LDHC: variants seen among roughly 807,000 people sequenced by gnomAD.
The protein encoded by LDHC is L-lactate dehydrogenase C chain.
LDHC carries 20 observed loss-of-function variants against 30.2 expected under a neutral mutation model. That is an observed-to-expected ratio of 0.66 (90% CI 0.47 to 0.96). The LOEUF (loss-of-function observed/expected upper bound fraction) is 0.96. Ranked by LOEUF, LDHC falls within the 40% of genes least tolerant of loss-of-function variation. The pLI is 0.00. For missense variants in LDHC, 362 were observed against 394.9 expected, an observed-to-expected ratio of 0.92 and a Z score of 0.71; for synonymous variants, 139 against 132.7, an observed-to-expected ratio of 1.05 and a Z score of -0.32.
At chr11:18,417,340 C>G (rs528499600) in intron 3 of LDHC, among the ~76,000 whole-genome samples, 8 of 152,198 alleles carry the variant, frequency 5.3e-5, no homozygotes, top group Non-Finnish European at 7.3e-5. Flanking sequence ...CTTTAAAGTA[C>G]TACAAGAAAT....
At chr11:18,419,045 G>A (rs544442297) in intron 3 of LDHC, among the ~76,000 whole-genome samples, 4 of 152,322 alleles carry the variant, frequency 2.6e-5, no homozygotes, top group African/African-American at 9.6e-5. Context: ...GGAGACCAGA[G>A]ACAGAGCTTG....
chr11:18,438,701 A>G (rs1848402940), intron 6 of LDHC, 56 bp downstream of exon 6: 1 of 905,092 alleles, frequency 1.1e-6, no homozygotes, highest in South Asian at 1.5e-5. Context: ...AAGAATAAAT[A>G]TCACGGACAA....
chr11:18,430,700 C>T (rs545136501), intron 4 of LDHC, among the ~76,000 whole-genome samples: 1 of 152,272 alleles, frequency 6.6e-6, no homozygotes, highest in Admixed American at 6.5e-5. Flanking sequence ...GTTTATTCAT[C>T]TGTTGAAACA....
intron 3 of LDHC, among the ~76,000 whole-genome samples, chr11:18,427,388 A>C (rs575619249): frequency 1.3e-5 from 2 of 152,130 alleles, no homozygotes; most frequent in African/African-American, 4.8e-5. Flanking sequence ...AAATAACAAC[A>C]AAAAAACGCT....
intron 6 of LDHC, 42 bp from the exon 7 acceptor site, chr11:18,446,168 G>T: frequency 6.5e-7 from 1 of 1,529,996 alleles, no homozygotes; most frequent in South Asian, 1.1e-5. Context: ...TCTCTGGGTT[G>T]ACTTATTATG....
intron 6 of LDHC, among the ~76,000 whole-genome samples, chr11:18,442,774 T>A (rs956325987): frequency 6.7e-6 from 1 of 150,088 alleles, no homozygotes; most frequent in Non-Finnish European, 1.5e-5. Flanking sequence ...GCGATTCTCA[T>A]GCCTCGGCCT....
At chr11:18,444,741 G>A (rs970542373) in intron 6 of LDHC, among the ~76,000 whole-genome samples, 3 of 149,816 alleles carry the variant, frequency 2.0e-5, no homozygotes, top group African/African-American at 7.3e-5. Flanking sequence ...GATATATGCT[G>A]GACAGTCTTT....
intron 1 of LDHC, 33 bp from the exon 2 acceptor site, chr11:18,412,676 G>A: frequency 1.9e-6 from 3 of 1,599,742 alleles, no homozygotes; most frequent in Non-Finnish European, 2.6e-6. Context: ...GTTCAGTGTG[G>A]TTAATCCAAT....
intron 5 of LDHC, among the ~76,000 whole-genome samples, chr11:18,435,137 C>T (rs1308686588): frequency 6.6e-6 from 1 of 152,084 alleles, no homozygotes; most frequent in African/African-American, 2.4e-5. Flanking sequence ...TTTTAATAGT[C>T]AATATGAGTG....
intron 3 of LDHC, among the ~76,000 whole-genome samples, chr11:18,426,028 AATT>A (rs1848156822): frequency 1.3e-5 from 1 of 77,982 alleles, no homozygotes. Context: ...GATTAGCCAC[AATT>A]TTTTTTTTTT....
chr11:18,427,556 T>C (rs576581029), intron 3 of LDHC, among the ~76,000 whole-genome samples: 1 of 152,090 alleles, frequency 6.6e-6, no homozygotes, highest in Non-Finnish European at 1.5e-5. Context: ...CTCTTTGTGG[T>C]TATATTTACA....
chr11:18,429,757 T>C lies in LDHC; in HGVS notation c.265T>C (p.Ser89Pro). The change falls in exon 4 of 8, where the codon TCC becomes CCC. Residue 89 changes from serine (S) to proline (P), a missense_variant. By Grantham distance (74) the Ser-to-Pro change is moderately conservative (BLOSUM62 -1). Coordinates refer to ENST00000541669, the MANE Select transcript of LDHC (RefSeq NM_017448.5). ...SGKDYSVSAN[S>P]RIVIVTAGAR... ...TTTAGATTACAGTGTATCTGCAAAC[T>C]CCAGAATAGTTATTGTCACAGCAGG... 6.2e-7 allele frequency: 1 copy of C among 1,608,640 alleles called. No homozygotes were observed. Among genetic ancestry groups the C allele is most frequent in the Non-Finnish European group, 8.5e-7 (1 of 1,176,160 alleles).
intron 3 of LDHC, among the ~76,000 whole-genome samples, chr11:18,421,853 G>A (rs1233690845): frequency 6.6e-6 from 1 of 152,170 alleles, no homozygotes; most frequent in Non-Finnish European, 1.5e-5. Context: ...TCTGGGCATG[G>A]TGGCTCATGC....
Position 18,451,591 on chromosome 11 carries a change from A to C in LDHC, c.*464A>C, listed in dbSNP as rs1506520. ...TGGCCGGGCACTGCAGCCTGGGTGA[A>C]AGAGTGAGGCTCTGTCTCAAAAAAA... is the stretch of plus-strand genomic sequence containing the variant. On this transcript the variant is annotated 3_prime_UTR_variant, in exon 8 of 8. Transcript: ENST00000541669. 136,169 of 152,186 alleles carry C rather than the reference A, an allele frequency of 0.89. 60,980 individuals are homozygous for C. Among genetic ancestry groups the C allele is most frequent in the East Asian group, 0.95 (4,952 of 5,190 alleles). 9.4% of individuals were successfully genotyped at this position (152,186 alleles called of 1,614,324 possible). A position where few individuals can be genotyped will look rare whatever the true frequency, so the allele number is the denominator to read the frequency against.
At chr11:18,450,841 AC>A in intron 7 of LDHC, 121 bp from the exon 8 acceptor site, 1 of 663,484 alleles carries the variant, frequency 1.5e-6, no homozygotes, top group Non-Finnish European at 2.5e-6. Flanking sequence ...TCACTCTGCC[AC>A]CCTCTGAGCG....
In LDHC at chr11:18,412,757, G is replaced by A; in HGVS notation, c.40G>A (p.Glu14Lys). 1 of 1,613,994 alleles carries A rather than the reference G, an allele frequency of 6.2e-7. No individual in the cohort carries two copies. The highest frequency in any genetic ancestry group is 8.5e-7 in the Non-Finnish European group (1 of 1,179,866). The change falls in exon 2 of 8, where the codon GAG becomes AAG. Residue 14 changes from glutamate (E) to lysine (K), a missense_variant. By Grantham distance (56) the Glu-to-Lys change is moderately conservative. Transcript: ENST00000541669. ...GGAGCAGCTAATTGAGAAGCTAATTGAGGATGATGAAAACTCCCAGTGTAA... is the reference window on the plus strand; with the variant it reads ...GGAGCAGCTAATTGAGAAGCTAATTAAGGATGATGAAAACTCCCAGTGTAA... ...VKEQLIEKLI[E>K]DDENSQCKIT...
At chr11:18,431,466 A>C (rs1848263203) in intron 4 of LDHC, among the ~76,000 whole-genome samples, 1 of 152,166 alleles carries the variant, frequency 6.6e-6, no homozygotes, top group African/African-American at 2.4e-5. Flanking sequence ...CTGTCTCAAA[A>C]AATAAAAATA....
At chr11:18,450,862 G>T in intron 7 of LDHC, 101 bp from the exon 8 acceptor site, 1 of 827,118 alleles carries the variant, frequency 1.2e-6, no homozygotes, top group Admixed American at 3.1e-5. Flanking sequence ...GATTCTTGTT[G>T]AATGCTTTAG....
At chr11:18,434,096 G>T (rs2134062013) in intron 4 of LDHC, among the ~76,000 whole-genome samples, 1 of 152,064 alleles carries the variant, frequency 6.6e-6, no homozygotes, top group South Asian at 2.1e-4. Context: ...CAGTTCTATT[G>T]CTGAGACTTT....
Sources: gnomAD v4.1 joint callset for allele counts (sites outside exome capture counted in the v4.1 genomes callset) on GRCh38, gnomAD v4.1.1 for gene constraint, MANE v1.5 for transcripts, NCBI Gene and HGNC (gene_info 2026-07-23, HGNC 2026-07-21) for gene names.